The following MTR variants were observed in gnomAD, a reference collection of about 807,000 sequenced individuals.
MTR encodes methionine synthase.
MTR carries 84 observed loss-of-function variants against 154.8 expected under a neutral mutation model. That is an observed-to-expected ratio of 0.54 (90% confidence interval 0.45 to 0.65). MTR has a LOEUF of 0.65. MTR is among the 30% of genes least tolerant of loss of function. The pLI, the probability that MTR is intolerant of heterozygous loss-of-function variation, is 0.00. For synonymous variants in MTR, 554 were observed against 553.9 expected (o/e 1.00, Z 0.00); for missense variants, 1,275 against 1,570.2 (o/e 0.81, Z 3.18).
rs751671789 is a variant in MTR at position 236,895,451 on chromosome 1, C to T, written c.3499C>T (p.Arg1167Trp). 127 of 1,600,700 alleles carry T rather than the reference C, an allele frequency of 7.9e-5. 1 individual carries two copies. The highest frequency in any genetic ancestry group is 5.1e-4 in the South Asian group (45 of 88,590). The change falls in exon 31 of 33, where the codon CGG becomes TGG. Residue 1167 changes from arginine (R) to tryptophan (W), a missense_variant. Transcript: ENST00000366577. ...GGACGTCGCAGACCTGCGCAGGCTG[C>T]GGTACAAGGGCATCCGCCCGGCTCC... ...QLDVADLRRL[R>W]YKGIRPAPGY... is the part of the protein sequence containing the mutation.
chr1:236,889,607 T>C (rs998421759), intron 28 of MTR, among the ~76,000 whole-genome samples: 3 of 152,222 alleles, frequency 2.0e-5, no homozygotes, highest in Admixed American at 6.5e-5. Flanking sequence ...GAAGACAATA[T>C]AATCCCTGCT....
chr1:236,897,808 G>A lies in MTR; in HGVS notation c.*164G>A, dbSNP rs1666750364. On this transcript the variant is annotated 3_prime_UTR_variant, in exon 33 of 33. Transcript: ENST00000366577. ...TAGTGGAACCTTGTAGAGGAGCAGG[G>A]TCTTCCTGCAGTGCCTGGAAAACAG... 1.5e-6 allele frequency: 1 copy of A among 666,142 alleles called. No individual in the cohort carries two copies. The highest frequency in any genetic ancestry group is 2.7e-5 in the Admixed American group (1 of 36,688). The allele number at this position is 666,142 out of a possible 1,614,324, so 41.3% of individuals were successfully genotyped here.
In MTR at chr1:236,806,247, T is replaced by C. The variant is rs1660976896; in HGVS notation, c.339+14T>C. The C allele has an allele frequency of 6.3e-7, 1 of 1,597,772 alleles. No homozygotes were observed. The highest frequency in any genetic ancestry group is 2.2e-5 in the East Asian group (1 of 44,798). ...CTTGAACACTTGGTAAGAATTCCAT[T>C]GTTCCATGTGTCTAAGATGCTTACG... On this transcript the variant is annotated intron_variant, in intron 3 of 32. Coordinates refer to ENST00000366577, the MANE Select transcript of MTR (RefSeq NM_000254.3).
Position 236,898,835 on chromosome 1 carries a change from A to G in MTR, c.*1191A>G, listed in dbSNP as rs796201525. On this transcript the variant is annotated 3_prime_UTR_variant, in exon 33 of 33. Coordinates refer to ENST00000366577, the MANE Select transcript of MTR (RefSeq NM_000254.3). Reference sequence around the variant, plus strand: ...CATTTCTTACCATTTTATTCCCCTCAATTCTCAATATATTCAGTAATGAAG... The same window carrying G: ...CATTTCTTACCATTTTATTCCCCTCGATTCTCAATATATTCAGTAATGAAG... 3.9e-5 allele frequency: 6 copies of G among 152,232 alleles called. No individual in the cohort carries two copies. The highest frequency in any genetic ancestry group is 7.2e-5 in the African/African-American group (3 of 41,532). 9.4% of individuals were successfully genotyped at this position (152,232 alleles called of 1,614,324 possible).
intron 18 of MTR, among the ~76,000 whole-genome samples, chr1:236,857,234 T>C (rs536411801): frequency 1.3e-5 from 2 of 152,336 alleles, no homozygotes; most frequent in South Asian, 2.1e-4. Context: ...TGGCGTGATA[T>C]GGTATCTCAT....
At chr1:236,890,694 G>A (rs760895488) in intron 28 of MTR, among the ~76,000 whole-genome samples, 4 of 152,146 alleles carry the variant, frequency 2.6e-5, no homozygotes, top group Non-Finnish European at 5.9e-5. Flanking sequence ...CAATCGTTAC[G>A]AATTATATTG....
In MTR at chr1:236,861,384, A is replaced by G. The variant is rs541179420; in HGVS notation, c.2196+107A>G. 2.7e-5 allele frequency: 39 copies of G among 1,461,200 alleles called. No homozygotes were observed. The African/African-American group carries it at 4.0e-4, about 15-fold the overall frequency. The allele number at this position is 1,461,200 out of a possible 1,614,324, so 90.5% of individuals were successfully genotyped here. On this transcript the variant is annotated intron_variant, in intron 20 of 32. Transcript: ENST00000366577. ...CAGGTTTTAATTTGGACAAGAGTTC[A>G]ATGGTATTGGCTAGTCATTCCTTCT...
At chr1:236,892,019 C>G (rs777490964) in intron 29 of MTR, among the ~76,000 whole-genome samples, 26 of 152,262 alleles carry the variant, frequency 1.7e-4, no homozygotes, top group Non-Finnish European at 2.9e-4. Context: ...CTCATCCCCC[C>G]CACCTTTGAA....
chr1:236,804,912 A>AT lies in MTR; in HGVS notation c.250-1221dup, dbSNP rs569621594. Among the ~76,000 whole-genome samples the AT allele has an allele frequency of 6.8e-4, 99 of 144,576 alleles. 1 individual carries two copies. The highest frequency in any genetic ancestry group is 9.5e-4 in the Non-Finnish European group (62 of 65,538). 94.8% of individuals were successfully genotyped at this position (144,576 alleles called of 152,430 possible). A position where few individuals can be genotyped will look rare whatever the true frequency, so the allele number is the denominator to read the frequency against. On this transcript the variant is annotated intron_variant, in intron 2 of 32. Coordinates refer to ENST00000366577, the MANE Select transcript of MTR (RefSeq NM_000254.3). The stretch of plus-strand genomic sequence containing the variant: ...GGTGTCATGCTTTACGTATCATTCT[A>AT]TTTTTTTTTTTACTTAACAATACTT...
chr1:236,823,097 A>G (rs540244459), intron 8 of MTR, among the ~76,000 whole-genome samples: 1 of 152,316 alleles, frequency 6.6e-6, no homozygotes, highest in South Asian at 2.1e-4. Flanking sequence ...TTTGCAGAAG[A>G]GTTGCAAAGA....
intron 24 of MTR, among the ~76,000 whole-genome samples, chr1:236,875,676 G>T (rs1665390489): frequency 6.6e-6 from 1 of 152,078 alleles, no homozygotes; most frequent in Non-Finnish European, 1.5e-5. Context: ...CTGGGTATAG[G>T]TATACAATAA....
At chr1:236,800,778 C>T (rs1572177898) in intron 1 of MTR, among the ~76,000 whole-genome samples, 1 of 152,174 alleles carries the variant, frequency 6.6e-6, no homozygotes, top group South Asian at 2.1e-4. Context: ...ACATCAAACA[C>T]CAATGTCTCA....
intron 8 of MTR, chr1:236,819,608 C>G (rs765804764): frequency 2.4e-5 from 11 of 459,802 alleles, no homozygotes; most frequent in Admixed American, 1.1e-4. Flanking sequence ...TTCTGGATTC[C>G]CATGTAACTT....
In MTR at chr1:236,894,539, G is replaced by A; in HGVS notation, c.3387G>A (p.Leu1129=). ...ACAGCAGCATCATGGTCAAGGCGCTGGGGGACCGGCTGGCAGAGGTAAGGC... is the reference window on the plus strand; with the variant it reads ...ACAGCAGCATCATGGTCAAGGCGCTAGGGGACCGGCTGGCAGAGGTAAGGC... The part of the protein sequence containing the change: ...DDYSSIMVKA[L]GDRLAEAFAE... The change falls in exon 30 of 33, where the codon CTG becomes CTA. Residue 1129 remains leucine (L), a synonymous_variant. Coordinates refer to ENST00000366577, the MANE Select transcript of MTR (RefSeq NM_000254.3). The A allele has an allele frequency of 6.2e-7, 1 of 1,614,122 alleles. No individual in the cohort carries two copies. The highest frequency in any genetic ancestry group is 8.5e-7 in the Non-Finnish European group (1 of 1,180,034).
intron 15 of MTR, among the ~76,000 whole-genome samples, chr1:236,840,803 G>A (rs1663186705): frequency 6.6e-6 from 1 of 152,154 alleles, no homozygotes; most frequent in Non-Finnish European, 1.5e-5. Flanking sequence ...AGCATGAACA[G>A]TTCAGTGGCC....
chr1:236,897,084 A>G lies in MTR; in HGVS notation c.3677A>G (p.Lys1226Arg), dbSNP rs777562650. 1.4e-5 allele frequency: 22 copies of G among 1,613,984 alleles called. No homozygotes were observed. Among genetic ancestry groups the G allele is most frequent in the Middle Eastern group, 1.6e-4 (1 of 6,062 alleles). Residue 1226 changes from lysine to arginine, a missense_variant, in exon 32 of 33, where the codon AAA becomes AGA. Lys to Arg is a conservative substitution (Grantham distance 26). Transcript: ENST00000366577. ...CTCTACTTCTCCAATTTGAAGTCCA[A>G]ATATTTTGCTGTGGGGAAGATTTCC... ...SGLYFSNLKS[K>R]YFAVGKISKD...
intron 32 of MTR, 48 bp from the exon 33 acceptor site, chr1:236,897,509 CA>C: frequency 1.9e-6 from 3 of 1,556,158 alleles, no homozygotes; most frequent in Non-Finnish European, 2.7e-6. Context: ...ACTTCTATTC[CA>C]AAAGTCTTAT....
intron 24 of MTR, among the ~76,000 whole-genome samples, chr1:236,876,694 A>G (rs952139265): frequency 7.6e-6 from 1 of 132,198 alleles, no homozygotes; most frequent in East Asian, 2.2e-4. Flanking sequence ...TTTACTATGT[A>G]AAAGCTACCA....
chr1:236,837,371 G>A (rs185169545), intron 14 of MTR, among the ~76,000 whole-genome samples: 2 of 152,286 alleles, frequency 1.3e-5, no homozygotes. Context: ...AGCTTTCCCT[G>A]GATTTTCCTG....
Sources: allele counts gnomAD v4.1 joint callset (sites outside exome capture counted in the v4.1 genomes callset), GRCh38; gene constraint gnomAD v4.1.1; transcripts MANE v1.5; gene names NCBI Gene and HGNC (gene_info 2026-07-23, HGNC 2026-07-21).